PDE1C: variants seen among roughly 807,000 people sequenced by gnomAD.
PDE1C encodes the protein dual specificity calcium/calmodulin-dependent 3',5'-cyclic nucleotide phosphodiesterase 1C.
A neutral mutation model predicts 93.1 loss-of-function variants in PDE1C; 62 were observed. The observed-to-expected ratio is 0.67, with a 90% CI of 0.54 to 0.82. PDE1C has a LOEUF of 0.82. Ranked by LOEUF, PDE1C falls within the 40% of genes least tolerant of loss-of-function variation. The probability of loss-of-function intolerance (pLI) is 0.00; values close to 1 mark genes in which losing one functional copy is unlikely to be tolerated. For missense variants in PDE1C, 742 were observed against 884.6 expected, an observed-to-expected ratio of 0.84 and a Z score of 2.04; for synonymous variants, 325 against 310.1, an observed-to-expected ratio of 1.05 and a Z score of -0.50.
the PDE1C span, chr7:31,687,281 T>C: frequency 1.3e-5 from 2 of 152,316 alleles, no homozygotes; most frequent in Non-Finnish European, 2.9e-5. Flanking sequence ...TCTCTCGCCT[T>C]CGCTTCCCTG....
chr7:32,155,099 A>G (rs1227626902), intron 3 of PDE1C, among the ~76,000 whole-genome samples: 1 of 152,110 alleles, frequency 6.6e-6, no homozygotes, highest in African/African-American at 2.4e-5. Flanking sequence ...GGAAGCAGAG[A>G]CCTCACTGAA....
At chr7:31,623,096 A>G in the PDE1C span, among the ~76,000 whole-genome samples, 2 of 152,232 alleles carry the variant, frequency 1.3e-5, no homozygotes, top group African/African-American at 2.4e-5. Flanking sequence ...AGGATCTGAA[A>G]TTGTGGCAAT....
chr7:32,076,449 T>C (rs1796359557), intron 3 of PDE1C, among the ~76,000 whole-genome samples: 2 of 151,870 alleles, frequency 1.3e-5, no homozygotes. Flanking sequence ...AAGACCAGCC[T>C]GGCCAAGATG....
chr7:31,636,929 C>T, the PDE1C span, among the ~76,000 whole-genome samples: 2 of 132,210 alleles, frequency 1.5e-5, no homozygotes, highest in African/African-American at 5.7e-5. Context: ...TGTTCCCCTT[C>T]CTGTATCCAT....
chr7:32,333,501 G>A (rs974114454), intron 1 of PDE1C, among the ~76,000 whole-genome samples: 11 of 152,096 alleles, frequency 7.2e-5, no homozygotes, highest in Non-Finnish European at 7.4e-5. Context: ...CTTGGTCTAC[G>A]TGTACATGCT....
intron 1 of PDE1C, among the ~76,000 whole-genome samples, chr7:32,336,156 G>A (rs1376705290): frequency 6.6e-6 from 1 of 152,214 alleles, no homozygotes; most frequent in Non-Finnish European, 1.5e-5. Context: ...ATAGAGGCAA[G>A]AGAGTCTAAT....
At chr7:31,730,182 G>C in the PDE1C span, among the ~76,000 whole-genome samples, 2 of 152,102 alleles carry the variant, frequency 1.3e-5, no homozygotes, top group African/African-American at 4.8e-5. Flanking sequence ...AGCTGCGAAC[G>C]TGTTTACACT....
intron 2 of PDE1C, among the ~76,000 whole-genome samples, chr7:32,010,785 C>T (rs375870068): frequency 3.0e-4 from 46 of 152,316 alleles, no homozygotes; most frequent in South Asian, 1.2e-3. Flanking sequence ...TGGGTCTTCA[C>T]ATCAGTCTTC....
At chr7:31,726,968 G>A in the PDE1C span, among the ~76,000 whole-genome samples, 1 of 152,092 alleles carries the variant, frequency 6.6e-6, no homozygotes, top group Non-Finnish European at 1.5e-5. Flanking sequence ...CCCGGGAGGT[G>A]GAGGTTGCAG....
the PDE1C span, among the ~76,000 whole-genome samples, chr7:31,632,189 C>G: frequency 5.0e-3 from 759 of 152,322 alleles, 1 homozygote; most frequent in African/African-American, 0.017. Flanking sequence ...TGGCTCACAC[C>G]TGTAATCCCA....
At chr7:32,012,931 T>C (rs1027844095) in intron 2 of PDE1C, among the ~76,000 whole-genome samples, 3 of 152,216 alleles carry the variant, frequency 2.0e-5, no homozygotes, top group African/African-American at 7.2e-5. Flanking sequence ...TTATTGTGGA[T>C]ATCAACTGAT....
At chr7:32,295,811 G>A (rs1411032051) in intron 1 of PDE1C, among the ~76,000 whole-genome samples, 1 of 151,416 alleles carries the variant, frequency 6.6e-6, no homozygotes, top group African/African-American at 2.4e-5. Flanking sequence ...GGAGAATGGT[G>A]TGAACGCGGG....
chr7:32,019,872 TTTGGATTTAC>T (rs1441442634), intron 2 of PDE1C, among the ~76,000 whole-genome samples: 1 of 152,062 alleles, frequency 6.6e-6, no homozygotes, highest in Non-Finnish European at 1.5e-5. Flanking sequence ...ATACATTCCA[TTTGGATTTAC>T]TAAATTGAAG....
intron 2 of PDE1C, among the ~76,000 whole-genome samples, chr7:32,024,988 G>A (rs1021018944): frequency 2.0e-5 from 3 of 152,062 alleles, no homozygotes; most frequent in South Asian, 2.1e-4. Flanking sequence ...TCTACTCGGG[G>A]GGCTTAAAAT....
At chr7:31,692,665 T>A in the PDE1C span, 3 of 702,578 alleles carry the variant, frequency 4.3e-6, no homozygotes, top group African/African-American at 3.6e-5. Context: ...CAACACCAGA[T>A]GGGCAGGCAA....
At chr7:32,153,132 T>A (rs1222914009) in intron 3 of PDE1C, among the ~76,000 whole-genome samples, 1 of 152,146 alleles carries the variant, frequency 6.6e-6, no homozygotes, top group Non-Finnish European at 1.5e-5. Context: ...CCAGCAGGCT[T>A]TTGAAAGCTT....
intron 1 of PDE1C, among the ~76,000 whole-genome samples, chr7:32,333,620 C>T (rs943904035): frequency 5.3e-5 from 8 of 152,140 alleles, no homozygotes; most frequent in African/African-American, 7.2e-5. Context: ...TTTAACCCAC[C>T]GTTTATCTAT....
intron 4 of PDE1C, among the ~76,000 whole-genome samples, chr7:31,878,782 A>G (rs1373900158): frequency 6.6e-6 from 1 of 152,212 alleles, no homozygotes; most frequent in Non-Finnish European, 1.5e-5. Context: ...TAAACAAAAA[A>G]ATTCTGAGCA....
Position 31,961,248 on chromosome 7 carries a change from A to ATG in PDE1C, c.129-80389_129-80388insCA, listed in dbSNP as rs1354821846. ...CTCGTACATGTATATGTATATGTAT[A>ATG]TATATATATATATACACACACACAG... On this transcript the variant is annotated intron_variant, in intron 2 of 17. Transcript: ENST00000396191. Among the ~76,000 whole-genome samples, 621 of 151,254 alleles carry ATG rather than the reference A, an allele frequency of 4.1e-3. 3 individuals carry two copies. The highest frequency in any genetic ancestry group is 0.014 in the African/African-American group (575 of 41,334).
Sources: allele counts gnomAD v4.1 joint callset (sites outside exome capture counted in the v4.1 genomes callset), GRCh38; gene constraint gnomAD v4.1.1; transcripts MANE v1.5; gene names NCBI Gene and HGNC (gene_info 2026-07-23, HGNC 2026-07-21).